ACKR3: variants seen among roughly 807,000 people sequenced by gnomAD.
ACKR3 encodes the protein atypical chemokine receptor 3, also known as C-X-C chemokine receptor type 7.
A neutral mutation model predicts 22.4 loss-of-function variants in ACKR3; 6 were observed. The observed-to-expected ratio is 0.27, with a 90% CI of 0.15 to 0.53. The LOEUF is 0.53. ACKR3 is among the 20% of genes least tolerant of loss of function. The probability of loss-of-function intolerance (pLI) is 0.96; values close to 1 mark genes in which losing one functional copy is unlikely to be tolerated. For missense variants in ACKR3, 396 were observed against 475.2 expected (o/e 0.83, Z 1.55); for synonymous variants, 209 against 205.2 (o/e 1.02, Z -0.16).
At chr2:236,559,545 A>G in the ACKR3 span, among the ~76,000 whole-genome samples, 1 of 152,224 alleles carries the variant, frequency 6.6e-6, no homozygotes, top group Admixed American at 6.5e-5. Flanking sequence ...TTGAGTGCTT[A>G]GAACTGTACC....
the ACKR3 span, among the ~76,000 whole-genome samples, chr2:236,547,307 G>A: frequency 3.3e-5 from 5 of 152,276 alleles, no homozygotes; most frequent in African/African-American, 9.6e-5. Flanking sequence ...GTATAAAAGT[G>A]TTAGTATACT....
chr2:236,545,678 C>T, the ACKR3 span, among the ~76,000 whole-genome samples: 1 of 152,194 alleles, frequency 6.6e-6, no homozygotes, highest in Non-Finnish European at 1.5e-5. The surrounding 1 kb of genome is among the most constrained non-coding windows in gnomAD (Gnocchi z 5.3). Context: ...TTATGAAACA[C>T]TACGATTTCA....
chr2:236,545,146 G>T, the ACKR3 span, among the ~76,000 whole-genome samples: 1 of 152,174 alleles, frequency 6.6e-6, no homozygotes, highest in African/African-American at 2.4e-5. The surrounding 1 kb of genome is among the most constrained non-coding windows in gnomAD (Gnocchi z 5.3). Flanking sequence ...GACACCCCGG[G>T]TCCTTTCTGT....
chr2:236,562,574 C>G, the ACKR3 span, among the ~76,000 whole-genome samples: 1 of 152,076 alleles, frequency 6.6e-6, no homozygotes, highest in Admixed American at 6.5e-5. Context: ...TTAGTGAATA[C>G]TGCCAAAGTG....
At chr2:236,556,711 C>T in the ACKR3 span, among the ~76,000 whole-genome samples, 7 of 152,292 alleles carry the variant, frequency 4.6e-5, no homozygotes, top group East Asian at 1.9e-4. Flanking sequence ...TTTTTTGAGA[C>T]GGAGTCTCAC....
chr2:236,544,177 A>G, the ACKR3 span, among the ~76,000 whole-genome samples: 1 of 151,252 alleles, frequency 6.6e-6, no homozygotes, highest in East Asian at 1.9e-4. The surrounding 1 kb of genome is among the most constrained non-coding windows in gnomAD (Gnocchi z 5.0). Context: ...TTTAGTAGAG[A>G]TGGGGTTTCA....
In ACKR3 at chr2:236,581,600, G is replaced by A; in HGVS notation, c.*46G>A. ...GGACGGGTTTACTTGTTTTTGAACAGGGTGATGGGCCCTATGGTTTTCTAG... is the reference window on the plus strand; with the variant it reads ...GGACGGGTTTACTTGTTTTTGAACAAGGTGATGGGCCCTATGGTTTTCTAG... On this transcript the variant is annotated 3_prime_UTR_variant, in exon 2 of 2. Coordinates refer to ENST00000272928, the MANE Select transcript of ACKR3 (RefSeq NM_020311.3). The surrounding 1 kb of genome is among the most constrained non-coding windows in gnomAD (Gnocchi z 4.4). 6.3e-7 allele frequency: 1 copy of A among 1,579,904 alleles called. No individual in the cohort carries two copies. The highest frequency in any genetic ancestry group is 8.6e-7 in the Non-Finnish European group (1 of 1,161,882).
At chr2:236,572,291 A>C (rs958306201) in intron 1 of ACKR3, among the ~76,000 whole-genome samples, 5 of 152,224 alleles carry the variant, frequency 3.3e-5, no homozygotes, top group African/African-American at 1.2e-4. Flanking sequence ...TGACAATTTT[A>C]AAGAGCCACA....
rs1366458661 is a variant in ACKR3, at chr2:236,574,109, G to T, written c.-27+4185G>T. ...CTTCCCAATTAGCCGGCGGGGTCTC[G>T]GGGGTTGGGGGGAGATGTTTCTGAT... On this transcript the variant is annotated intron_variant, in intron 1 of 1. Coordinates refer to ENST00000272928, the MANE Select transcript of ACKR3 (RefSeq NM_020311.3). This position sits in a 1 kb window ranked among gnomAD's most constrained non-coding sequence, Gnocchi z 5.6. 6.6e-6 allele frequency among the ~76,000 whole-genome samples: 1 copy of T among 152,098 alleles called. No homozygotes were observed. The highest frequency in any genetic ancestry group is 2.4e-5 in the African/African-American group (1 of 41,416).
chr2:236,550,857 G>A, the ACKR3 span, among the ~76,000 whole-genome samples: 6 of 152,282 alleles, frequency 3.9e-5, no homozygotes, highest in South Asian at 2.1e-4. The surrounding 1 kb of genome is among the most constrained non-coding windows in gnomAD (Gnocchi z 4.6). Context: ...ACCACTTTCC[G>A]TGTCATGTGC....
In ACKR3 at chr2:236,581,667, T is replaced by C; in HGVS notation, c.*113T>C. 3.7e-6 allele frequency: 5 copies of C among 1,364,666 alleles called. No individual in the cohort carries two copies. Among genetic ancestry groups the C allele is most frequent in the Non-Finnish European group, 5.0e-6 (5 of 1,006,884 alleles). The allele number at this position is 1,364,666 out of a possible 1,614,324, so 84.5% of individuals were successfully genotyped here. ...TTCGGGTCTTGATGCTTGAGTAGAG[T>C]GAAGAGGGGAGCACGTGCCCCCTGC... On this transcript the variant is annotated 3_prime_UTR_variant, in exon 2 of 2. Transcript: ENST00000272928. This position sits in a 1 kb window ranked among gnomAD's most constrained non-coding sequence, Gnocchi z 4.4.
chr2:236,563,035 C>T (rs1281725445), upstream of ACKR3, among the ~76,000 whole-genome samples: 2 of 152,172 alleles, frequency 1.3e-5, no homozygotes, highest in Admixed American at 1.3e-4. Context: ...TGTATTTCCC[C>T]AATAACTAAG....
rs1325541874 is a variant in ACKR3 at position 236,580,947 on chromosome 2, G to A, written c.482G>A (p.Arg161His). ...CCCAGCAGCAGGAAGAAGATGGTAC[G>A]CCGTGTCGTCTGCATCCTGGTGTGG... ...NTPSSRKKMV[R>H]RVVCILVWLL... Residue 161 changes from arginine to histidine, a missense_variant, in exon 2 of 2, where the codon CGC becomes CAC. Coordinates refer to ENST00000272928, the MANE Select transcript of ACKR3 (RefSeq NM_020311.3). 1.9e-6 allele frequency: 3 copies of A among 1,614,122 alleles called. No individual in the cohort carries two copies. Among genetic ancestry groups the A allele is most frequent in the Admixed American group, 1.7e-5 (1 of 60,020 alleles).
At chr2:236,576,739 G>A (rs768943103) in intron 1 of ACKR3, among the ~76,000 whole-genome samples, 2 of 152,214 alleles carry the variant, frequency 1.3e-5, no homozygotes, top group Non-Finnish European at 1.5e-5. Context: ...CATGTTACAC[G>A]GCAGTTCCCT....
Position 236,577,658 on chromosome 2 carries a change from C to G in ACKR3, c.-26-2782C>G, listed in dbSNP as rs1394657509. 1.3e-5 allele frequency among the ~76,000 whole-genome samples: 2 copies of G among 152,124 alleles called. No individual in the cohort carries two copies. The highest frequency in any genetic ancestry group is 4.8e-5 in the African/African-American group (2 of 41,424). On this transcript the variant is annotated intron_variant, in intron 1 of 1. Transcript: ENST00000272928. This position sits in a 1 kb window ranked among gnomAD's most constrained non-coding sequence, Gnocchi z 5.6. ...TGGCCAGCCGGCATCTGACATGTCTCTACACTGGAGGGCAAGTAAGACCTG... is the reference window on the plus strand; with the variant it reads ...TGGCCAGCCGGCATCTGACATGTCTGTACACTGGAGGGCAAGTAAGACCTG...
chr2:236,551,405 C>T, the ACKR3 span, among the ~76,000 whole-genome samples: 19 of 152,280 alleles, frequency 1.2e-4, no homozygotes, highest in Non-Finnish European at 8.8e-5. Context: ...TGCTCCTGGC[C>T]CCCAGGAGGG....
chr2:236,574,618 G>T lies in ACKR3; in HGVS notation c.-27+4694G>T, dbSNP rs770024060. Among the ~76,000 whole-genome samples, 12 of 152,124 alleles carry T rather than the reference G, an allele frequency of 7.9e-5. No homozygotes were observed. Among genetic ancestry groups the T allele is most frequent in the Non-Finnish European group, 1.5e-4 (10 of 68,022 alleles). ...CATTCTCTGGAAGGAACTAACCAGC[G>T]TGAGGACATGCTGATTGCATACTCA... On this transcript the variant is annotated intron_variant, in intron 1 of 1. Transcript: ENST00000272928. This position sits in a 1 kb window ranked among gnomAD's most constrained non-coding sequence, Gnocchi z 5.6.
chr2:236,581,209 C>G lies in ACKR3; in HGVS notation c.744C>G (p.His248Gln), dbSNP rs755544401. The part of the protein sequence containing the change: ...AISASSDQEK[H>Q]SSRKIIFSYV... Reference sequence around the variant, plus strand: ...CGGCGTCCAGTGACCAGGAGAAGCACAGCAGCCGGAAGATCATCTTCTCCT... The same window carrying G: ...CGGCGTCCAGTGACCAGGAGAAGCAGAGCAGCCGGAAGATCATCTTCTCCT... Residue 248 changes from histidine (H) to glutamine (Q), a missense_variant, in exon 2 of 2, where the codon CAC becomes CAG. By Grantham distance (24) the His-to-Gln change is conservative. Transcript: ENST00000272928. The surrounding 1 kb of genome is among the most constrained non-coding windows in gnomAD (Gnocchi z 4.4). 1.2e-6 allele frequency: 2 copies of G among 1,613,944 alleles called. No individual in the cohort carries two copies. Among genetic ancestry groups the G allele is most frequent in the Admixed American group, 3.3e-5 (2 of 60,030 alleles).
the ACKR3 span, among the ~76,000 whole-genome samples, chr2:236,546,955 C>A: frequency 2.0e-5 from 3 of 152,248 alleles, no homozygotes; most frequent in Non-Finnish European, 4.4e-5. This position sits in a 1 kb window ranked among gnomAD's most constrained non-coding sequence, Gnocchi z 4.9. Flanking sequence ...ATCAATGCAG[C>A]ATTGGCCCTG....
Sources: gnomAD v4.1 joint callset for allele counts (sites outside exome capture counted in the v4.1 genomes callset) on GRCh38, gnomAD v4.1.1 for gene constraint, Gnocchi (gnomAD v3.1) non-coding constraint, MANE v1.5 for transcripts, NCBI Gene and HGNC (gene_info 2026-07-23, HGNC 2026-07-21) for gene names.